The following RBFOX1 variants were observed in gnomAD, a reference collection of about 807,000 sequenced individuals.
RBFOX1 encodes RNA binding fox-1 homolog 1, also known as RNA binding protein fox-1 homolog 1.
A neutral mutation model predicts 57.7 loss-of-function variants in RBFOX1; 8 were observed. That is an observed-to-expected ratio of 0.14 (90% confidence interval 0.08 to 0.25). RBFOX1 has a LOEUF of 0.25. Among genes scored for constraint, RBFOX1 ranks in the 10% least tolerant of loss-of-function variants. The probability of loss-of-function intolerance (pLI) is 1.00; values close to 1 mark genes in which losing one functional copy is unlikely to be tolerated. For missense variants in RBFOX1, 611 were observed against 548.5 expected (o/e 1.11, Z -1.14); for synonymous variants, 326 against 222.4 (o/e 1.47, Z -4.15).
Position 6,242,962 on chromosome 16 carries a change from T to C in RBFOX1, c.-126-74033T>C, listed in dbSNP as rs940311198. Among the ~76,000 whole-genome samples, 9 of 152,176 alleles carry C rather than the reference T, an allele frequency of 5.9e-5. 1 individual carries two copies. The highest frequency in any genetic ancestry group is 1.3e-4 in the Admixed American group (2 of 15,278). On this transcript the variant is annotated intron_variant, in intron 1 of 15. Transcript: ENST00000550418. Reference sequence around the variant, plus strand: ...GAAATATTGAAGAAATATATGTCCTTGTTTTGTTTTCTTTCTAGAGAAAAA... The same window carrying C: ...GAAATATTGAAGAAATATATGTCCTCGTTTTGTTTTCTTTCTAGAGAAAAA...
chr16:6,656,920 C>CTCCTCCCCTT (rs2098659292), intron 3 of RBFOX1, among the ~76,000 whole-genome samples: 5 of 131,238 alleles, frequency 3.8e-5, no homozygotes, highest in African/African-American at 1.4e-4. Context: ...CTCCTCCCCT[C>CTCCTCCCCTT]TCCTCTCCTC....
At chr16:6,491,497 C>A (rs1158112940) in intron 2 of RBFOX1, among the ~76,000 whole-genome samples, 1 of 152,214 alleles carries the variant, frequency 6.6e-6, no homozygotes, top group Non-Finnish European at 1.5e-5. Flanking sequence ...GATTCACATT[C>A]TGCTGCTGAC....
chr16:6,116,355 T>C (rs1038092579), intron 1 of RBFOX1, among the ~76,000 whole-genome samples: 2 of 152,162 alleles, frequency 1.3e-5, no homozygotes, highest in Non-Finnish European at 2.9e-5. Flanking sequence ...CACCATGGCA[T>C]GTGTATACCT....
intron 2 of RBFOX1, among the ~76,000 whole-genome samples, chr16:6,513,550 A>G (rs1454320812): frequency 2.0e-5 from 3 of 152,178 alleles, no homozygotes; most frequent in Admixed American, 2.0e-4. Flanking sequence ...CCTAGCCAAC[A>G]TGGTGAAAAC....
chr16:7,013,541 C>T (rs1401261449), intron 3 of RBFOX1, among the ~76,000 whole-genome samples: 1 of 152,182 alleles, frequency 6.6e-6, no homozygotes, highest in Non-Finnish European at 1.5e-5. Flanking sequence ...TTGTCTGTAT[C>T]AAAATGTTAG....
At chr16:7,134,044 G>T (rs555981369) in intron 4 of RBFOX1, among the ~76,000 whole-genome samples, 2 of 152,130 alleles carry the variant, frequency 1.3e-5, no homozygotes, top group East Asian at 3.8e-4. Flanking sequence ...AATTTAATAC[G>T]TGGGCCTCAG....
At chr16:7,266,034 G>A (rs1040424114) in intron 4 of RBFOX1, among the ~76,000 whole-genome samples, 1 of 144,474 alleles carries the variant, frequency 6.9e-6, no homozygotes, top group Admixed American at 6.9e-5. Flanking sequence ...GAGTGCAGTG[G>A]CGCTATCTTG....
At chr16:6,090,922 T>A (rs1327394329) in intron 1 of RBFOX1, among the ~76,000 whole-genome samples, 1 of 152,186 alleles carries the variant, frequency 6.6e-6, no homozygotes, top group Non-Finnish European at 1.5e-5. Flanking sequence ...TTAAAAAAAG[T>A]ATTGATTCAT....
At chr16:5,803,267 G>A (rs967633317) in intron 3 of RBFOX1, among the ~76,000 whole-genome samples, 6 of 152,098 alleles carry the variant, frequency 3.9e-5, no homozygotes, top group Admixed American at 6.6e-5. Flanking sequence ...AGCTTGGTTC[G>A]TCTCTGACAA....
chr16:6,526,135 A>C (rs554356933), intron 2 of RBFOX1, among the ~76,000 whole-genome samples: 1 of 152,314 alleles, frequency 6.6e-6, no homozygotes, highest in East Asian at 1.9e-4. Flanking sequence ...CTTTACTTGA[A>C]ATGCAATTCA....
At chr16:7,053,953 C>G (rs999305144) in intron 4 of RBFOX1, among the ~76,000 whole-genome samples, 56 of 151,928 alleles carry the variant, frequency 3.7e-4, no homozygotes, top group Non-Finnish European at 7.2e-4. Flanking sequence ...TTAAATAGTA[C>G]CAAAGAGAGT....
intron 5 of RBFOX1, among the ~76,000 whole-genome samples, chr16:7,521,870 C>A (rs1157617758): frequency 6.6e-6 from 1 of 152,166 alleles, no homozygotes; most frequent in African/African-American, 2.4e-5. Context: ...TGGAACGTGT[C>A]CATCAGCTTC....
At chr16:6,837,652 T>C (rs1429409315) in intron 3 of RBFOX1, among the ~76,000 whole-genome samples, 1 of 152,148 alleles carries the variant, frequency 6.6e-6, no homozygotes, top group Non-Finnish European at 1.5e-5. Context: ...ACTCCCTCAT[T>C]GAAAATTGAG....
At chr16:6,989,821 G>A (rs1472904809) in intron 3 of RBFOX1, among the ~76,000 whole-genome samples, 2 of 152,078 alleles carry the variant, frequency 1.3e-5, no homozygotes, top group Non-Finnish European at 2.9e-5. Flanking sequence ...CTAACATGGT[G>A]AAATTCCATC....
At chr16:6,495,111 T>G (rs990614265) in intron 2 of RBFOX1, among the ~76,000 whole-genome samples, 1 of 151,966 alleles carries the variant, frequency 6.6e-6, no homozygotes, top group African/African-American at 2.4e-5. Context: ...CGCTTTCTTT[T>G]GTTTGTTTAT....
chr16:5,534,169 G>T (rs911026620), intron 2 of RBFOX1, among the ~76,000 whole-genome samples: 3 of 152,178 alleles, frequency 2.0e-5, no homozygotes, highest in Non-Finnish European at 4.4e-5. Context: ...ATAGGTGCAA[G>T]GGTGGCTGGG....
intron 1 of RBFOX1, among the ~76,000 whole-genome samples, chr16:6,274,144 A>C (rs572800265): frequency 6.6e-6 from 1 of 152,328 alleles, no homozygotes; most frequent in South Asian, 2.1e-4. Flanking sequence ...ATAGTGGAGC[A>C]GTTTCTTTAA....
At chr16:5,632,182 A>G (rs1045852160) in intron 3 of RBFOX1, among the ~76,000 whole-genome samples, 2 of 152,236 alleles carry the variant, frequency 1.3e-5, no homozygotes, top group African/African-American at 2.4e-5. Context: ...ACATGTATGC[A>G]TTCAGTATAC....
chr16:7,021,987 CT>C (rs2039331991), intron 3 of RBFOX1, among the ~76,000 whole-genome samples: 2 of 42,862 alleles, frequency 4.7e-5, no homozygotes, highest in Non-Finnish European at 8.6e-5. Flanking sequence ...TCCCCCTCCC[CT>C]TCCCCCTCCC....
Sources: allele counts gnomAD v4.1 joint callset (sites outside exome capture counted in the v4.1 genomes callset), GRCh38; gene constraint gnomAD v4.1.1; transcripts MANE v1.5; gene names NCBI Gene and HGNC (gene_info 2026-07-23, HGNC 2026-07-21).